Variants in GALNT18 observed in about 807,000 individuals in gnomAD.
GALNT18 encodes the protein GalNAc-transferase 18.
Under a neutral mutation model 69.5 loss-of-function variants are expected in GALNT18, and 44 were observed. The observed-to-expected ratio is 0.63, with a 90% CI of 0.50 to 0.81. The LOEUF (loss-of-function observed/expected upper bound fraction) is 0.81, where lower values mean the gene tolerates loss of function less well. Ranked by LOEUF, GALNT18 falls within the 40% of genes least tolerant of loss-of-function variation. The pLI is 0.00. For synonymous variants in GALNT18, 364 were observed against 318.2 expected, an observed-to-expected ratio of 1.14 and a Z score of -1.53; for missense variants, 715 against 810.0, an observed-to-expected ratio of 0.88 and a Z score of 1.42.
rs534484246 is a variant in GALNT18 at position 11,320,541 on chromosome 11, C to T, written c.1512+6545G>A. Among the ~76,000 whole-genome samples, 1 of 152,308 alleles carries T rather than the reference C, an allele frequency of 6.6e-6. No individual in the cohort carries two copies. The highest frequency in any genetic ancestry group is 2.1e-4 in the South Asian group (1 of 4,828). ...ATTCAGAGGATCTTTGGGGTCCTCA[C>T]CTGTCCACAGTCTCCTTCTGAGATG... On this transcript the variant is annotated intron_variant, in intron 9 of 10. Transcript: ENST00000227756. This position sits in a 1 kb window ranked among gnomAD's most constrained non-coding sequence, Gnocchi z 4.9.
At chr11:11,524,138 A>C (rs1049017863) in intron 1 of GALNT18, among the ~76,000 whole-genome samples, 1 of 152,174 alleles carries the variant, frequency 6.6e-6, no homozygotes, top group Non-Finnish European at 1.5e-5. Context: ...ATCTAGTAGA[A>C]GCCTGTTCTG....
Position 11,372,666 on chromosome 11 carries a change from G to A in GALNT18, c.978-37C>T. 1 of 1,540,326 alleles carries A rather than the reference G, an allele frequency of 6.5e-7. No individual in the cohort carries two copies. Among genetic ancestry groups the A allele is most frequent in the Non-Finnish European group, 9.0e-7 (1 of 1,115,464 alleles). On this transcript the variant is annotated intron_variant, in intron 5 of 10. Transcript: ENST00000227756. This position sits in a 1 kb window ranked among gnomAD's most constrained non-coding sequence, Gnocchi z 4.9. ...GGGGAGAGCAGAAGGGCTGTCTGGT[G>A]CAGCTGTCCGAGGAGTAAGAGCAGT...
intron 1 of GALNT18, among the ~76,000 whole-genome samples, chr11:11,515,453 C>T (rs1260413215): frequency 6.6e-6 from 1 of 152,224 alleles, no homozygotes; most frequent in Non-Finnish European, 1.5e-5. Flanking sequence ...CCCGATTCCC[C>T]CTGCTCTCTC....
chr11:11,518,756 T>C (rs993795586), intron 1 of GALNT18, among the ~76,000 whole-genome samples: 21 of 152,350 alleles, frequency 1.4e-4, no homozygotes, highest in African/African-American at 5.1e-4. Context: ...AGTAGATCAA[T>C]TATCCAGGAG....
chr11:11,399,471 T>A (rs551059276), intron 3 of GALNT18, among the ~76,000 whole-genome samples: 124 of 152,254 alleles, frequency 8.1e-4, no homozygotes, highest in African/African-American at 2.8e-3. Flanking sequence ...AGCATAGTTT[T>A]TTTTATCAGA....
intron 6 of GALNT18, among the ~76,000 whole-genome samples, chr11:11,364,553 G>GT (rs1850716389): frequency 7.1e-6 from 1 of 141,292 alleles, no homozygotes; most frequent in African/African-American, 2.5e-5. Flanking sequence ...AATTACAAGA[G>GT]GGGGGGAAAA....
At chr11:11,445,815 C>T (rs1436468177) in intron 2 of GALNT18, among the ~76,000 whole-genome samples, 2 of 152,160 alleles carry the variant, frequency 1.3e-5, no homozygotes, top group Non-Finnish European at 2.9e-5. Context: ...GGTGTGGAAG[C>T]TCCACAGACT....
In GALNT18 at chr11:11,562,597, AC is replaced by A. The variant is rs1440782924; in HGVS notation, c.235+58761del. 6.6e-6 allele frequency among the ~76,000 whole-genome samples: 1 copy of A among 151,894 alleles called. No homozygotes were observed. The highest frequency in any genetic ancestry group is 1.5e-5 in the Non-Finnish European group (1 of 67,988). On this transcript the variant is annotated intron_variant, in intron 1 of 10. Transcript: ENST00000227756. The surrounding 1 kb of genome is among the most constrained non-coding windows in gnomAD (Gnocchi z 4.1). The stretch of plus-strand genomic sequence containing the variant: ...ACCATCACCATCAAACCTGCCTCCT[AC>A]CCCAGCAACCCCATGGCACAGCACA...
At position 11,290,228 on chromosome 11, in the gene GALNT18, G is replaced by A. The variant is rs138799076; in HGVS notation, c.1677+2801C>T. Among the ~76,000 whole-genome samples, 403 of 152,310 alleles carry A rather than the reference G, an allele frequency of 2.6e-3. 3 individuals carry two copies. Among genetic ancestry groups the A allele is most frequent in the African/African-American group, 9.3e-3 (385 of 41,558 alleles). Reference sequence around the variant, plus strand: ...CTAAGAGGAGACTTTGGGGGCTGACGCAGGCTATGAAGACCCCGGGGTCAT... The same window carrying A: ...CTAAGAGGAGACTTTGGGGGCTGACACAGGCTATGAAGACCCCGGGGTCAT... On this transcript the variant is annotated intron_variant, in intron 10 of 10. Coordinates refer to ENST00000227756, the MANE Select transcript of GALNT18 (RefSeq NM_198516.3).
At chr11:11,509,850 T>C (rs1331193908) in intron 1 of GALNT18, among the ~76,000 whole-genome samples, 1 of 152,240 alleles carries the variant, frequency 6.6e-6, no homozygotes, top group Non-Finnish European at 1.5e-5. Context: ...AAAGATCCTG[T>C]TCATGGTGAC....
chr11:11,522,766 C>T (rs75865401), intron 1 of GALNT18, among the ~76,000 whole-genome samples: 34 of 152,322 alleles, frequency 2.2e-4, no homozygotes, highest in Non-Finnish European at 4.3e-4. Context: ...CCTTCTCCAC[C>T]GACAAAGACA....
In GALNT18 at chr11:11,586,275, T is replaced by C. The variant is rs754686175; in HGVS notation, c.235+35084A>G. Among the ~76,000 whole-genome samples the C allele has an allele frequency of 6.6e-6, 1 of 152,238 alleles. No homozygotes were observed. The highest frequency in any genetic ancestry group is 1.9e-4 in the East Asian group (1 of 5,202). Reference sequence around the variant, plus strand: ...ACTTATGTTAATTTATGTAATTGGGTTTATTATTGCCATTGTTAAATAAAA... The same window carrying C: ...ACTTATGTTAATTTATGTAATTGGGCTTATTATTGCCATTGTTAAATAAAA... On this transcript the variant is annotated intron_variant, in intron 1 of 10. Transcript: ENST00000227756. This position sits in a 1 kb window ranked among gnomAD's most constrained non-coding sequence, Gnocchi z 4.1.
chr11:11,482,164 C>T (rs1856545303), intron 1 of GALNT18, among the ~76,000 whole-genome samples: 1 of 152,224 alleles, frequency 6.6e-6, no homozygotes, highest in Non-Finnish European at 1.5e-5. Flanking sequence ...CCACTGGGGC[C>T]TTTGGTGTGG....
chr11:11,513,349 G>T (rs1466939804), intron 1 of GALNT18, among the ~76,000 whole-genome samples: 2 of 152,248 alleles, frequency 1.3e-5, no homozygotes, highest in Non-Finnish European at 2.9e-5. Context: ...ATAAACATCA[G>T]TTGACTTCCT....
intron 1 of GALNT18, among the ~76,000 whole-genome samples, chr11:11,593,455 C>A (rs1859411127): frequency 1.3e-5 from 2 of 152,198 alleles, no homozygotes; most frequent in South Asian, 4.1e-4. Flanking sequence ...GAAGCTTGGC[C>A]TTCCTTCTCT....
chr11:11,293,097 G>A lies in GALNT18; in HGVS notation c.1609C>T (p.Arg537Trp), dbSNP rs781639055. The A allele has an allele frequency of 1.1e-5, 15 of 1,379,466 alleles. No homozygotes were observed. The highest frequency in any genetic ancestry group is 6.0e-5 in the African/African-American group (4 of 66,976). 85.5% of individuals were successfully genotyped at this position (1,379,466 alleles called of 1,614,324 possible). ...TAGCTGCATTCGATGAGCCGGGGCCGGCTGTTGACGTCCACCAGGCATCGG... is the reference window on the plus strand; with the variant it reads ...TAGCTGCATTCGATGAGCCGGGGCCAGCTGTTGACGTCCACCAGGCATCGG... ...DNRCLVDVNS[R>W]PRLIECSYAK... Residue 537 changes from arginine (R) to tryptophan (W), a missense_variant, in exon 10 of 11, where the codon CGG becomes TGG. Physicochemically the swap from Arg to Trp is moderately radical, Grantham distance 101. Coordinates refer to ENST00000227756, the MANE Select transcript of GALNT18 (RefSeq NM_198516.3).
At chr11:11,299,584 A>G (rs10831577) in intron 9 of GALNT18, among the ~76,000 whole-genome samples, 36,787 of 152,144 alleles carry the variant, frequency 0.24, 4,817 homozygotes, top group Admixed American at 0.39. Context: ...TTGGTTTTCC[A>G]TTCCTGAGTT....
intron 8 of GALNT18, among the ~76,000 whole-genome samples, chr11:11,330,679 C>T (rs953229793): frequency 1.2e-4 from 18 of 152,248 alleles, no homozygotes; most frequent in African/African-American, 4.1e-4. Context: ...ATCTAGATCA[C>T]AACCCTGTAT....
intron 1 of GALNT18, among the ~76,000 whole-genome samples, chr11:11,474,152 T>C (rs765917421): frequency 6.6e-6 from 1 of 152,152 alleles, no homozygotes. Flanking sequence ...TCATCACAGA[T>C]TGTGAAATAG....
Sources: allele counts gnomAD v4.1 joint callset (sites outside exome capture counted in the v4.1 genomes callset), GRCh38; gene constraint gnomAD v4.1.1; non-coding constraint Gnocchi (gnomAD v3.1); transcripts MANE v1.5; gene names NCBI Gene and HGNC (gene_info 2026-07-23, HGNC 2026-07-21).